The following ADD3 variants were observed in gnomAD, a reference collection of about 807,000 sequenced individuals.
ADD3 encodes gamma-adducin.
Under a neutral mutation model 80.2 loss-of-function variants are expected in ADD3, and 25 were observed. The observed-to-expected ratio is 0.31, with a 90% CI of 0.23 to 0.44. The LOEUF (loss-of-function observed/expected upper bound fraction) is 0.44, where lower values mean the gene tolerates loss of function less well. Ranked by LOEUF, ADD3 falls within the 20% of genes least tolerant of loss-of-function variation. The pLI is 1.00. For synonymous variants in ADD3, 284 were observed against 289.6 expected (o/e 0.98, Z 0.20); for missense variants, 829 against 847.5 (o/e 0.98, Z 0.27).
chr10:110,119,721 C>T (rs1851216282), intron 8 of ADD3, 157 bp downstream of exon 8: 4 of 606,542 alleles, frequency 6.6e-6, no homozygotes, highest in Non-Finnish European at 8.6e-6. Flanking sequence ...ACTCAGTTAT[C>T]TCTTGAATTG....
chr10:110,012,813 G>T (rs1852484708), intron 1 of ADD3, among the ~76,000 whole-genome samples: 1 of 151,360 alleles, frequency 6.6e-6, no homozygotes, highest in African/African-American at 2.4e-5. Flanking sequence ...TGCCCAGGCT[G>T]GTCTCGAACT....
intron 7 of ADD3, 26 bp downstream of exon 7, chr10:110,119,380 G>A (rs1436708527): frequency 6.2e-7 from 1 of 1,613,216 alleles, no homozygotes; most frequent in Admixed American, 1.7e-5. Context: ...TGTCTAAGGA[G>A]CTATTTTTGT....
At chr10:110,108,014 T>C (rs1226140494) in intron 2 of ADD3, among the ~76,000 whole-genome samples, 1 of 152,178 alleles carries the variant, frequency 6.6e-6, no homozygotes, top group Non-Finnish European at 1.5e-5. Context: ...AGACATAGTT[T>C]ATGCCATGGT....
intron 1 of ADD3, among the ~76,000 whole-genome samples, chr10:110,092,404 A>G (rs773941929): frequency 6.6e-6 from 1 of 152,198 alleles, no homozygotes; most frequent in Non-Finnish European, 1.5e-5. Context: ...AAAACATGAA[A>G]TCATGTCCTT....
exon 1 of ADD3, chr10:109,996,417 G>A (rs1270818862): frequency 6.6e-6 from 1 of 152,152 alleles, no homozygotes; most frequent in African/African-American, 2.4e-5. Context: ...AACTTGGCTT[G>A]TTCAGAAGAT....
At chr10:110,078,055 T>TG (rs1845579649) in intron 1 of ADD3, among the ~76,000 whole-genome samples, 1 of 152,210 alleles carries the variant, frequency 6.6e-6, no homozygotes. Flanking sequence ...CTTGCAGGGG[T>TG]GACATTGTGT....
chr10:110,003,302 G>GGGGTGTGTGTGTGT (rs140966434), upstream of ADD3, among the ~76,000 whole-genome samples: 652 of 147,012 alleles, frequency 4.4e-3, 7 homozygotes, highest in African/African-American at 0.014. Context: ...GAACAGTAAG[G>GGGGTGTGTGTGTGT]GTGTGTGTGT....
chr10:110,085,841 C>G (rs1363919069), intron 1 of ADD3, among the ~76,000 whole-genome samples: 2 of 152,206 alleles, frequency 1.3e-5, no homozygotes, highest in Admixed American at 6.5e-5. Flanking sequence ...CATGGTGGCT[C>G]ACGCCTGTAA....
At chr10:110,069,716 T>G (rs1844439172) in intron 1 of ADD3, among the ~76,000 whole-genome samples, 1 of 152,218 alleles carries the variant, frequency 6.6e-6, no homozygotes, top group Admixed American at 6.5e-5. Context: ...CTTTTCATGG[T>G]GATGTGGTGT....
At chr10:110,040,927 T>TCG (rs1491075118) in intron 1 of ADD3, among the ~76,000 whole-genome samples, 3 of 133,992 alleles carry the variant, frequency 2.2e-5, no homozygotes, top group Admixed American at 8.2e-5. Flanking sequence ...TCTCTCTCTC[T>TCG]CGCTCTCTCT....
At position 110,123,924 on chromosome 10, in the gene ADD3, C is replaced by CT. The variant is rs1454303565; in HGVS notation, c.1144-89dup. The CT allele has an allele frequency of 3.8e-6, 5 of 1,314,040 alleles. No homozygotes were observed. In the African/African-American group the frequency reaches 4.4e-5, roughly 12 times the overall value. 81.4% of individuals were successfully genotyped at this position (1,314,040 alleles called of 1,614,324 possible). A position where few individuals can be genotyped will look rare whatever the true frequency, so the allele number is the denominator to read the frequency against. Reference sequence around the variant, plus strand: ...TTTCTTTGTTTTTTAGCAAAGGAGTCTTTTAAATCATTTGTATACAAAAGG... The same window carrying CT: ...TTTCTTTGTTTTTTAGCAAAGGAGTCTTTTTAAATCATTTGTATACAAAAGG... On this transcript the variant is annotated intron_variant, in intron 9 of 14. Transcript: ENST00000356080.
rs1363811346 is a variant in ADD3 at position 110,133,369 on chromosome 10, G to T, written c.1872G>T (p.Val624=). 1 of 1,605,332 alleles carries T rather than the reference G, an allele frequency of 6.2e-7. No homozygotes were observed. The highest frequency in any genetic ancestry group is 1.7e-5 in the Admixed American group (1 of 59,832). Residue 624 remains valine, a synonymous_variant, in exon 15 of 15, where the codon GTG becomes GTT. Transcript: ENST00000356080. ...CCAAGAGCTTCATCTCCATGGAAGT[G>T]CCTGTCATGGTAGTAAATGGCAAGG... The part of the protein sequence containing the change: ...LFSKSFISME[V]PVMVVNGKDD...
At chr10:110,104,469 C>G (rs557429207) in intron 2 of ADD3, among the ~76,000 whole-genome samples, 262 of 152,114 alleles carry the variant, frequency 1.7e-3, no homozygotes, top group Non-Finnish European at 2.2e-3. Flanking sequence ...GTCTTTGTTC[C>G]TTTCAGCCCA....
intron 14 of ADD3, 32 bp downstream of exon 14, chr10:110,132,432 C>T: frequency 7.1e-7 from 1 of 1,411,830 alleles, no homozygotes; most frequent in East Asian, 2.3e-5. Context: ...ATAGCATTCA[C>T]TGAGTTAGTC....
At chr10:110,130,728 C>T (rs959194431) in intron 13 of ADD3, among the ~76,000 whole-genome samples, 3 of 151,922 alleles carry the variant, frequency 2.0e-5, no homozygotes, top group Admixed American at 6.6e-5. Flanking sequence ...TGGTGGTACA[C>T]GCCTGTAGTC....
intron 1 of ADD3, among the ~76,000 whole-genome samples, chr10:110,081,542 A>T (rs1443586257): frequency 6.6e-6 from 1 of 152,084 alleles, no homozygotes; most frequent in Non-Finnish European, 1.5e-5. Context: ...AGTGTCAGTT[A>T]CTTTGGAGGC....
chr10:110,046,769 T>C (rs146543215), intron 1 of ADD3, among the ~76,000 whole-genome samples: 5 of 152,350 alleles, frequency 3.3e-5, no homozygotes, highest in African/African-American at 1.2e-4. Context: ...CTTAGCATGA[T>C]GCCTTGTACA....
At chr10:110,106,248 C>G (rs189193115) in intron 2 of ADD3, among the ~76,000 whole-genome samples, 21 of 150,728 alleles carry the variant, frequency 1.4e-4, no homozygotes, top group African/African-American at 5.1e-4. Flanking sequence ...CTATATTTAT[C>G]AGTGTTATTA....
At chr10:110,017,095 G>A (rs1384076491) in intron 1 of ADD3, among the ~76,000 whole-genome samples, 2 of 152,188 alleles carry the variant, frequency 1.3e-5, no homozygotes, top group African/African-American at 4.8e-5. Flanking sequence ...GTTTAGTGAA[G>A]TAACTTGCCC....
Sources: allele counts gnomAD v4.1 joint callset (sites outside exome capture counted in the v4.1 genomes callset), GRCh38; gene constraint gnomAD v4.1.1; transcripts MANE v1.5; gene names NCBI Gene and HGNC (gene_info 2026-07-23, HGNC 2026-07-21).